Variants in KCTD8 observed in about 807,000 individuals in gnomAD.
KCTD8 encodes potassium channel tetramerization domain containing 8.
In KCTD8, 27 loss-of-function variants were observed where a neutral mutation model predicts 31.5. The observed-to-expected ratio is 0.86, with a 90% CI of 0.63 to 1.18. The LOEUF (loss-of-function observed/expected upper bound fraction) is 1.18, where lower values mean the gene tolerates loss of function less well. KCTD8 is among the 50% of genes most tolerant of loss of function. The probability of loss-of-function intolerance (pLI) is 0.00; values close to 1 mark genes in which losing one functional copy is unlikely to be tolerated. For synonymous variants in KCTD8, 290 were observed against 280.0 expected (o/e 1.04, Z -0.36); for missense variants, 658 against 647.7 (o/e 1.02, Z -0.17).
At chr4:44,406,338 C>G (rs987793789) in intron 1 of KCTD8, among the ~76,000 whole-genome samples, 3 of 152,090 alleles carry the variant, frequency 2.0e-5, no homozygotes, top group African/African-American at 7.2e-5. Context: ...GTGTCCCCAC[C>G]CAAATCTCAT....
chr4:44,303,983 T>C (rs1268700809), intron 1 of KCTD8, among the ~76,000 whole-genome samples: 1 of 152,136 alleles, frequency 6.6e-6, no homozygotes, highest in Non-Finnish European at 1.5e-5. Context: ...AATGTCTCAA[T>C]ATGTATGAAG....
chr4:44,430,306 G>A (rs1182302422), intron 1 of KCTD8, among the ~76,000 whole-genome samples: 1 of 151,676 alleles, frequency 6.6e-6, no homozygotes, highest in Non-Finnish European at 1.5e-5. Context: ...AGGAGCAAGA[G>A]TGTTCAGGGT....
At chr4:44,371,161 A>AT (rs1348964695) in intron 1 of KCTD8, among the ~76,000 whole-genome samples, 1 of 152,030 alleles carries the variant, frequency 6.6e-6, no homozygotes, top group African/African-American at 2.4e-5. Flanking sequence ...AGATAAGGTG[A>AT]TTTTGCCCTT....
At chr4:44,356,395 A>G (rs6447330) in intron 1 of KCTD8, among the ~76,000 whole-genome samples, 18,655 of 152,234 alleles carry the variant, frequency 0.12, 1,356 homozygotes, top group East Asian at 0.26. Context: ...ACAGTTATTC[A>G]AGGAGAATTA....
chr4:44,364,893 G>A (rs79904356), intron 1 of KCTD8, among the ~76,000 whole-genome samples: 25 of 152,006 alleles, frequency 1.6e-4, no homozygotes, highest in East Asian at 1.3e-3. Context: ...GTGGTTCTCC[G>A]GGGTCAGGCA....
chr4:44,437,430 G>A (rs989004144), intron 1 of KCTD8, among the ~76,000 whole-genome samples: 3 of 151,970 alleles, frequency 2.0e-5, no homozygotes, highest in African/African-American at 4.8e-5. Flanking sequence ...TTATAATATC[G>A]GTTAATGAAT....
intron 1 of KCTD8, among the ~76,000 whole-genome samples, chr4:44,213,808 G>T (rs1164313515): frequency 7.2e-5 from 11 of 152,124 alleles, no homozygotes; most frequent in African/African-American, 2.7e-4. Flanking sequence ...GACTAGAGAA[G>T]ATGTGAATAT....
chr4:44,428,175 A>G (rs563197532), intron 1 of KCTD8, among the ~76,000 whole-genome samples: 2 of 151,884 alleles, frequency 1.3e-5, no homozygotes, highest in South Asian at 4.1e-4. Context: ...ACAAAATTTG[A>G]TGAAAACATT....
chr4:44,227,560 T>C (rs1286100800), intron 1 of KCTD8, among the ~76,000 whole-genome samples: 2 of 152,210 alleles, frequency 1.3e-5, no homozygotes, highest in Admixed American at 1.3e-4. Flanking sequence ...GTGTATGTAG[T>C]TGCATTTGGT....
rs1352619671 is a variant in KCTD8 at position 44,174,490 on chromosome 4, A to G, written c.*300T>C. The G allele has an allele frequency of 4.1e-6, 1 of 241,520 alleles. No homozygotes were observed. Among genetic ancestry groups the G allele is most frequent in the Admixed American group, 5.3e-5 (1 of 19,014 alleles). The allele number at this position is 241,520 out of a possible 1,614,324, so 15.0% of individuals were successfully genotyped here. A position where few individuals can be genotyped will look rare whatever the true frequency, so the allele number is the denominator to read the frequency against. On this transcript the variant is annotated 3_prime_UTR_variant, in exon 2 of 2. Transcript: ENST00000360029. Reference sequence around the variant, plus strand: ...ATGACAAACATATCCAGTTGACCAGAGTTCAAAAACCAAGATACTAAGCTT... The same window carrying G: ...ATGACAAACATATCCAGTTGACCAGGGTTCAAAAACCAAGATACTAAGCTT...
At chr4:44,338,668 T>C (rs1471705326) in intron 1 of KCTD8, among the ~76,000 whole-genome samples, 1 of 152,180 alleles carries the variant, frequency 6.6e-6, no homozygotes, top group Non-Finnish European at 1.5e-5. Context: ...ATAAAAACTT[T>C]TACAAAATAT....
At chr4:44,388,617 A>G (rs555941512) in intron 1 of KCTD8, among the ~76,000 whole-genome samples, 132 of 151,990 alleles carry the variant, frequency 8.7e-4, no homozygotes, top group African/African-American at 3.2e-3. Context: ...AAAACTGAAT[A>G]CCAGATGTAC....
Position 44,317,332 on chromosome 4 carries a change from C to T in KCTD8, c.961+130231G>A, listed in dbSNP as rs369221113. Among the ~76,000 whole-genome samples, 66 of 130,894 alleles carry T rather than the reference C, an allele frequency of 5.0e-4. No individual in the cohort carries two copies. In the East Asian group the frequency reaches 0.012, roughly 24 times the overall value. The allele number at this position is 130,894 out of a possible 152,430, so 85.9% of individuals were successfully genotyped here. A position where few individuals can be genotyped will look rare whatever the true frequency, so the allele number is the denominator to read the frequency against. The stretch of plus-strand genomic sequence containing the variant: ...TCGGCTCACTGCAAGCTCCGCTTCC[C>T]GGGTTCACGCCATTCTCCTGCCTCA... On this transcript the variant is annotated intron_variant, in intron 1 of 1. Transcript: ENST00000360029.
intron 1 of KCTD8, among the ~76,000 whole-genome samples, chr4:44,286,100 T>C (rs894638415): frequency 6.6e-6 from 1 of 152,134 alleles, no homozygotes; most frequent in African/African-American, 2.4e-5. Flanking sequence ...CAAAACCTTC[T>C]TAATATTCTA....
intron 1 of KCTD8, among the ~76,000 whole-genome samples, chr4:44,288,923 T>C (rs1484464548): frequency 2.0e-5 from 1 of 49,230 alleles, no homozygotes; most frequent in Admixed American, 2.9e-4. Context: ...TTCTAATCAG[T>C]ATATATCATT....
rs1257082015 is a variant in KCTD8, at chr4:44,175,020, C to T, written c.1192G>A (p.Val398Ile). The T allele has an allele frequency of 1.2e-6, 2 of 1,613,858 alleles. No homozygotes were observed. The highest frequency in any genetic ancestry group is 1.3e-5 in the African/African-American group (1 of 74,856). The change falls in exon 2 of 2, where the codon GTA becomes ATA. Residue 398 changes from valine to isoleucine, a missense_variant. By Grantham distance (29) the Val-to-Ile change is conservative. Coordinates refer to ENST00000360029, the MANE Select transcript of KCTD8 (RefSeq NM_198353.3). ...TTGTCTGGTGGGGGTATCCATTGTA[C>T]AGGTGCTTTTTTAGAGGGGCGATCC... ...TLDRPSKKAP[V>I]QWIPPPDKRR...
chr4:44,198,474 A>G (rs1458404890), intron 1 of KCTD8, among the ~76,000 whole-genome samples: 1 of 152,202 alleles, frequency 6.6e-6, no homozygotes, highest in Admixed American at 6.5e-5. Flanking sequence ...CAGAAACCTC[A>G]CAAGTCAGAA....
chr4:44,206,397 C>T (rs887679993), intron 1 of KCTD8, among the ~76,000 whole-genome samples: 2 of 152,122 alleles, frequency 1.3e-5, no homozygotes, highest in African/African-American at 2.4e-5. Context: ...CTCCAACAGC[C>T]CCAGCCACAT....
chr4:44,236,859 A>G (rs1715305102), intron 1 of KCTD8, among the ~76,000 whole-genome samples: 1 of 152,114 alleles, frequency 6.6e-6, no homozygotes, highest in Non-Finnish European at 1.5e-5. Context: ...AGTTTCCCCC[A>G]TACTGTTCTC....
Sources: allele counts gnomAD v4.1 joint callset (sites outside exome capture counted in the v4.1 genomes callset), GRCh38; gene constraint gnomAD v4.1.1; transcripts MANE v1.5; gene names NCBI Gene and HGNC (gene_info 2026-07-23, HGNC 2026-07-21).